Variants in DENND5A observed in about 807,000 individuals in gnomAD.
DENND5A encodes the protein DENN domain-containing protein 5A.
Under a neutral mutation model 140.3 loss-of-function variants are expected in DENND5A, and 64 were observed. The observed-to-expected ratio is 0.46, with a 90% confidence interval of 0.37 to 0.56. The LOEUF (loss-of-function observed/expected upper bound fraction) is 0.56, where lower values mean the gene tolerates loss of function less well. Ranked by LOEUF, DENND5A falls within the 20% of genes least tolerant of loss-of-function variation. The probability of loss-of-function intolerance (pLI) is 0.00; values close to 1 mark genes in which losing one functional copy is unlikely to be tolerated. For missense variants in DENND5A, 1,292 were observed against 1,593.8 expected (o/e 0.81, Z 3.22); for synonymous variants, 605 against 607.7 (o/e 1.00, Z 0.07).
At chr11:9,233,971 A>G (rs1850887791) in intron 1 of DENND5A, among the ~76,000 whole-genome samples, 1 of 152,130 alleles carries the variant, frequency 6.6e-6, no homozygotes, top group Non-Finnish European at 1.5e-5. Flanking sequence ...TGAGGTCAGG[A>G]GTTCGAGACC....
At chr11:9,258,591 C>G (rs1338452885) in intron 1 of DENND5A, among the ~76,000 whole-genome samples, 1 of 141,654 alleles carries the variant, frequency 7.1e-6, no homozygotes, top group Non-Finnish European at 1.5e-5. Context: ...TACCATGAAA[C>G]AGAAACCTGG....
At chr11:9,189,445 G>C (rs1376486249) in intron 5 of DENND5A, among the ~76,000 whole-genome samples, 1 of 152,044 alleles carries the variant, frequency 6.6e-6, no homozygotes, top group Non-Finnish European at 1.5e-5. Flanking sequence ...TCATCCTTCA[G>C]ACCCCAGAAT....
At chr11:9,181,385 T>A (rs1848726959) in intron 5 of DENND5A, among the ~76,000 whole-genome samples, 3 of 152,178 alleles carry the variant, frequency 2.0e-5, no homozygotes, top group African/African-American at 4.8e-5. Context: ...TTTTATAATG[T>A]CATAGATGTT....
chr11:9,146,605 C>G (rs977328320), intron 16 of DENND5A, among the ~76,000 whole-genome samples: 3 of 152,206 alleles, frequency 2.0e-5, no homozygotes, highest in African/African-American at 7.2e-5. Context: ...TTTCTGCTAC[C>G]TCAGAAAAGA....
chr11:9,219,540 A>G (rs936746645), intron 1 of DENND5A, among the ~76,000 whole-genome samples: 1 of 152,228 alleles, frequency 6.6e-6, no homozygotes, highest in Non-Finnish European at 1.5e-5. Context: ...CTCAGGAAGC[A>G]TATGCTCTGC....
chr11:9,198,048 C>T (rs938332199), intron 4 of DENND5A, among the ~76,000 whole-genome samples: 7 of 152,136 alleles, frequency 4.6e-5, no homozygotes, highest in African/African-American at 1.4e-4. Flanking sequence ...GCTAGCTGAA[C>T]TTACTACTGG....
intron 22 of DENND5A, chr11:9,140,065 T>C: frequency 3.5e-6 from 4 of 1,142,660 alleles, no homozygotes; most frequent in South Asian, 2.9e-5. Context: ...AGCCCTGTCA[T>C]GAGCCTCCAA....
chr11:9,187,034 A>C (rs1848936818), intron 5 of DENND5A, among the ~76,000 whole-genome samples: 2 of 152,188 alleles, frequency 1.3e-5, no homozygotes, highest in African/African-American at 4.8e-5. Context: ...CAGTGAGCTG[A>C]GATGGCACCA....
At chr11:9,178,409 T>G in intron 7 of DENND5A, 43 bp from the exon 8 acceptor site, 1 of 1,276,122 alleles carries the variant, frequency 7.8e-7, no homozygotes, top group Non-Finnish European at 1.1e-6. Flanking sequence ...GGGAAAAGGG[T>G]AATGTCAATG....
At chr11:9,194,429 C>T (rs1415488356) in intron 4 of DENND5A, among the ~76,000 whole-genome samples, 1 of 151,880 alleles carries the variant, frequency 6.6e-6, no homozygotes, top group Admixed American at 6.6e-5. Context: ...ATTAGCCGGG[C>T]GTGGTGGCAT....
intron 1 of DENND5A, among the ~76,000 whole-genome samples, chr11:9,252,716 C>A (rs1300721597): frequency 1.3e-5 from 2 of 152,150 alleles, no homozygotes; most frequent in East Asian, 3.8e-4. Context: ...CTCTTTCTCA[C>A]TGGACATTAG....
At chr11:9,186,588 T>C (rs189905920) in intron 5 of DENND5A, among the ~76,000 whole-genome samples, 1 of 152,348 alleles carries the variant, frequency 6.6e-6, no homozygotes, top group East Asian at 1.9e-4. Flanking sequence ...GAACCAAATA[T>C]AGAGTCTGTA....
At chr11:9,233,465 G>A (rs1014412986) in intron 1 of DENND5A, among the ~76,000 whole-genome samples, 9 of 151,530 alleles carry the variant, frequency 5.9e-5, no homozygotes, top group Non-Finnish European at 1.2e-4. Flanking sequence ...GTTGAATGGT[G>A]GCCCCAAAAA....
chr11:9,184,128 G>A (rs1321118177), intron 5 of DENND5A, among the ~76,000 whole-genome samples: 6 of 152,068 alleles, frequency 3.9e-5, no homozygotes, highest in Non-Finnish European at 5.9e-5. Flanking sequence ...CGAGGCGGGC[G>A]CATCACAAGG....
At chr11:9,264,931 G>C in intron 1 of DENND5A, 30 bp downstream of exon 1, 1 of 1,513,720 alleles carries the variant, frequency 6.6e-7, no homozygotes, top group Non-Finnish European at 8.9e-7. Flanking sequence ...GCGGGCGCGG[G>C]AAAGCGCCCC....
chr11:9,234,455 CA>C (rs1272710999), intron 1 of DENND5A, among the ~76,000 whole-genome samples: 1 of 151,802 alleles, frequency 6.6e-6, no homozygotes, highest in Non-Finnish European at 1.5e-5. Flanking sequence ...ACGACGACAG[CA>C]AAAAATGAAA....
At chr11:9,205,227 T>A (rs141094412) in intron 3 of DENND5A, among the ~76,000 whole-genome samples, 1 of 152,306 alleles carries the variant, frequency 6.6e-6, no homozygotes, top group South Asian at 2.1e-4. Context: ...CTGTTTTCAC[T>A]CTAATTCAGA....
chr11:9,222,721 G>A (rs1325014923), intron 1 of DENND5A, among the ~76,000 whole-genome samples: 1 of 152,136 alleles, frequency 6.6e-6, no homozygotes, highest in Non-Finnish European at 1.5e-5. Context: ...CAACCAATCA[G>A]AACAAACACT....
chr11:9,213,532 G>A (rs1300386419), intron 1 of DENND5A, among the ~76,000 whole-genome samples: 4 of 151,588 alleles, frequency 2.6e-5, no homozygotes, highest in African/African-American at 4.8e-5. Context: ...TGTGGGCAGG[G>A]TACGGTGGCT....
Sources: allele counts gnomAD v4.1 joint callset (sites outside exome capture counted in the v4.1 genomes callset), GRCh38; gene constraint gnomAD v4.1.1; transcripts MANE v1.5; gene names NCBI Gene and HGNC (gene_info 2026-07-23, HGNC 2026-07-21).